ATE1: variants seen among roughly 807,000 people sequenced by gnomAD.
ATE1 encodes arginyl-tRNA--protein transferase 1.
ATE1 carries 36 observed loss-of-function variants against 70.5 expected under a neutral mutation model. The observed-to-expected ratio is 0.51, with a 90% CI of 0.39 to 0.67. The LOEUF is 0.67. Among genes scored for constraint, ATE1 ranks in the 30% least tolerant of loss-of-function variants. ATE1 has a pLI of 0.00. For missense variants in ATE1, 593 were observed against 629.5 expected, an observed-to-expected ratio of 0.94 and a Z score of 0.62; for synonymous variants, 232 against 219.3, an observed-to-expected ratio of 1.06 and a Z score of -0.51.
intron 5 of ATE1, among the ~76,000 whole-genome samples, chr10:121,910,447 C>A (rs2134422323): frequency 6.6e-6 from 1 of 152,096 alleles, no homozygotes; most frequent in African/African-American, 2.4e-5. Flanking sequence ...CAAAGTTAAA[C>A]ATCAAAATCT....
intron 11 of ATE1, among the ~76,000 whole-genome samples, chr10:121,753,042 A>G (rs993445073): frequency 2.6e-5 from 4 of 152,214 alleles, no homozygotes; most frequent in African/African-American, 9.6e-5. Flanking sequence ...TGTATTTTCC[A>G]GAATATAATT....
intron 7 of ATE1, among the ~76,000 whole-genome samples, chr10:121,870,930 G>C (rs186598886): frequency 6.6e-6 from 1 of 152,140 alleles, no homozygotes; most frequent in East Asian, 1.9e-4. Context: ...ACACACTCTT[G>C]ATCTTTCTAA....
chr10:121,870,120 A>C, intron 7 of ATE1, 82 bp from the exon 8 acceptor site: 1 of 1,343,496 alleles, frequency 7.4e-7, no homozygotes, highest in Non-Finnish European at 1.1e-6. Flanking sequence ...AAAAATTATT[A>C]TACAATTTTC....
chr10:121,895,218 A>C lies in ATE1; in HGVS notation c.942+4648T>G, dbSNP rs113008709. Reference sequence around the variant, plus strand: ...ACATGAGTTACCACGTGACCCAGTAATTCCACGCGTACGTATACACCCAAG... The same window carrying C: ...ACATGAGTTACCACGTGACCCAGTACTTCCACGCGTACGTATACACCCAAG... On this transcript the variant is annotated intron_variant, in intron 7 of 11. Transcript: ENST00000224652. Among the ~76,000 whole-genome samples the C allele has an allele frequency of 2.9e-3, 435 of 152,348 alleles. 4 individuals carry two copies. Among genetic ancestry groups the C allele is most frequent in the African/African-American group, 8.3e-3 (346 of 41,582 alleles).
chr10:121,823,777 T>C (rs1184612062), intron 10 of ATE1, among the ~76,000 whole-genome samples: 1 of 152,256 alleles, frequency 6.6e-6, no homozygotes, highest in African/African-American at 2.4e-5. Flanking sequence ...TTAAATGTAC[T>C]TGAATTCCCC....
chr10:121,745,705 C>A (rs552166181), intron 11 of ATE1, among the ~76,000 whole-genome samples: 3 of 149,834 alleles, frequency 2.0e-5, no homozygotes, highest in Non-Finnish European at 3.0e-5. Context: ...CCAGCCTGGG[C>A]GACAGAGCAA....
At chr10:121,764,870 C>T (rs959339727) in intron 11 of ATE1, among the ~76,000 whole-genome samples, 17 of 152,310 alleles carry the variant, frequency 1.1e-4, no homozygotes, top group African/African-American at 3.4e-4. Context: ...TGTGTTGCTG[C>T]TTCTAGTAAA....
chr10:121,897,788 T>C (rs1398666430), intron 7 of ATE1, among the ~76,000 whole-genome samples: 1 of 146,960 alleles, frequency 6.8e-6, no homozygotes, highest in African/African-American at 2.5e-5. Context: ...ATTGCGCCAC[T>C]GCACTCCAGC....
At chr10:121,885,495 G>A (rs1408816642) in intron 7 of ATE1, among the ~76,000 whole-genome samples, 8 of 113,374 alleles carry the variant, frequency 7.1e-5, no homozygotes, top group African/African-American at 2.2e-4. Context: ...GCATAAACCT[G>A]GGAGGTGGAG....
chr10:121,754,929 T>C (rs946298196), intron 11 of ATE1, among the ~76,000 whole-genome samples: 1 of 152,222 alleles, frequency 6.6e-6, no homozygotes, highest in African/African-American at 2.4e-5. Context: ...GCCAAAGCTA[T>C]GTGACCTGAA....
chr10:121,839,677 T>G (rs1948556993), intron 9 of ATE1, among the ~76,000 whole-genome samples: 1 of 152,118 alleles, frequency 6.6e-6, no homozygotes, highest in Non-Finnish European at 1.5e-5. Context: ...ATAAAAAGAC[T>G]GTTATGGAGA....
At position 121,796,664 on chromosome 10, in the gene ATE1, A is replaced by G. The variant is rs533506361; in HGVS notation, c.1258-6375T>C. Among the ~76,000 whole-genome samples, 4 of 152,352 alleles carry G rather than the reference A, an allele frequency of 2.6e-5. No individual in the cohort carries two copies. The East Asian group carries it at 5.8e-4, about 22-fold the overall frequency. On this transcript the variant is annotated intron_variant, in intron 10 of 11. Coordinates refer to ENST00000224652, the MANE Select transcript of ATE1 (RefSeq NM_001001976.3). ...AAAAAAATTAAAATATGGCCTCATA[A>G]TATTTCAATTAATTTTACTAGGTTG... is the stretch of plus-strand genomic sequence containing the variant.
chr10:121,755,235 A>T (rs1944748220), intron 11 of ATE1, among the ~76,000 whole-genome samples: 1 of 152,240 alleles, frequency 6.6e-6, no homozygotes, highest in Non-Finnish European at 1.5e-5. Flanking sequence ...ATTAGATGGT[A>T]ACATCTCAAT....
chr10:121,816,974 A>G (rs1947566876), intron 10 of ATE1, among the ~76,000 whole-genome samples: 1 of 152,220 alleles, frequency 6.6e-6, no homozygotes, highest in Non-Finnish European at 1.5e-5. Context: ...ATGCAAGGGT[A>G]TTTCTACTGT....
chr10:121,906,439 A>C (rs1222074154), intron 5 of ATE1, among the ~76,000 whole-genome samples: 6 of 152,054 alleles, frequency 3.9e-5, no homozygotes, highest in Non-Finnish European at 8.8e-5. Context: ...TGAGGTGGGA[A>C]AATTGCTTGA....
chr10:121,858,196 T>C (rs1162907068), intron 8 of ATE1, among the ~76,000 whole-genome samples: 1 of 152,210 alleles, frequency 6.6e-6, no homozygotes, highest in Non-Finnish European at 1.5e-5. Context: ...TATGCACAAG[T>C]GGAATTGCCA....
intron 7 of ATE1, among the ~76,000 whole-genome samples, chr10:121,878,065 A>T (rs1265222938): frequency 2.6e-5 from 4 of 152,246 alleles, no homozygotes; most frequent in Non-Finnish European, 1.5e-5. Context: ...GAAAACTGCT[A>T]CTATATGTCA....
Position 121,902,539 on chromosome 10 carries a change from T to A in ATE1, c.665A>T (p.Gln222Leu), listed in dbSNP as rs1951022056. 3 of 1,614,232 alleles carry A rather than the reference T, an allele frequency of 1.9e-6. No homozygotes were observed. The East Asian group carries it at 6.7e-5, about 36-fold the overall frequency. ...RKERKRLKLM[Q>L]QNPAGELEGF... ...CTCAAGTTCTCCAGCTGGGTTCTGCTGCATTAGTTTTAACCTTTTCCTTTC... is the reference window on the plus strand; with the variant it reads ...CTCAAGTTCTCCAGCTGGGTTCTGCAGCATTAGTTTTAACCTTTTCCTTTC... The change falls in exon 6 of 12, where the codon CAG becomes CTG. Residue 222 changes from glutamine (Q) to leucine (L), a missense_variant. Coordinates refer to ENST00000224652, the MANE Select transcript of ATE1 (RefSeq NM_001001976.3).
intron 1 of ATE1, 90 bp from the exon 2 acceptor site, chr10:121,924,419 G>A (rs887278104): frequency 7.9e-7 from 1 of 1,273,370 alleles, no homozygotes; most frequent in South Asian, 1.2e-5. Context: ...AGGAGTGTGT[G>A]TCCGGGCACG....
Sources: gnomAD v4.1 joint callset for allele counts (sites outside exome capture counted in the v4.1 genomes callset) on GRCh38, gnomAD v4.1.1 for gene constraint, MANE v1.5 for transcripts, NCBI Gene and HGNC (gene_info 2026-07-23, HGNC 2026-07-21) for gene names.